The following ARPC1A variants were observed in gnomAD, a reference collection of about 807,000 sequenced individuals.
ARPC1A encodes actin related protein 2/3 complex subunit 1A, also known as actin-related protein 2/3 complex subunit 1A.
In ARPC1A, 8 loss-of-function variants were observed where a neutral mutation model predicts 46.9. The observed-to-expected ratio is 0.17, with a 90% CI of 0.10 to 0.31. ARPC1A has a LOEUF of 0.31. Among genes scored for constraint, ARPC1A ranks in the 10% least tolerant of loss-of-function variants. The probability of loss-of-function intolerance (pLI) is 1.00; values close to 1 mark genes in which losing one functional copy is unlikely to be tolerated. For synonymous variants in ARPC1A, 152 were observed against 169.0 expected (o/e 0.90, Z 0.78); for missense variants, 286 against 483.6 (o/e 0.59, Z 3.83).
intron 4 of ARPC1A, among the ~76,000 whole-genome samples, chr7:99,345,024 C>A (rs926205462): frequency 6.7e-6 from 1 of 148,378 alleles, no homozygotes; most frequent in African/African-American, 2.5e-5. Context: ...CAACGTCCGC[C>A]CCCTGGTTCA....
At chr7:99,363,766 C>T in intron 9 of ARPC1A, 133 bp downstream of exon 9, 2 of 644,960 alleles carry the variant, frequency 3.1e-6, no homozygotes, top group South Asian at 4.1e-5. Flanking sequence ...CCACCAACTC[C>T]TTGCCTCCAG....
chr7:99,325,977 G>T lies in ARPC1A; in HGVS notation c.-57G>T, dbSNP rs1187848316. 6.6e-6 allele frequency: 1 copy of T among 152,490 alleles called. No homozygotes were observed. The highest frequency in any genetic ancestry group is 1.5e-5 in the Non-Finnish European group (1 of 68,064). 9.4% of individuals were successfully genotyped at this position (152,490 alleles called of 1,614,324 possible). ...CCAGAGTCCGCGAATCCTCCGCTCCGAGCCCGTCCGGACTCCCCCGATCCC... is the reference window on the plus strand; with the variant it reads ...CCAGAGTCCGCGAATCCTCCGCTCCTAGCCCGTCCGGACTCCCCCGATCCC... On this transcript the variant is annotated 5_prime_UTR_variant, in exon 1 of 10. Coordinates refer to ENST00000262942, the MANE Select transcript of ARPC1A (RefSeq NM_006409.4).
At position 99,342,544 on chromosome 7, in the gene ARPC1A, C is replaced by CA. The variant is rs969311370; in HGVS notation, c.170-1738dup. Among the ~76,000 whole-genome samples the CA allele has an allele frequency of 6.4e-4, 90 of 140,248 alleles. 1 individual carries two copies. The highest frequency in any genetic ancestry group is 4.2e-3 in the Admixed American group (58 of 13,962). 92.0% of individuals were successfully genotyped at this position (140,248 alleles called of 152,430 possible). A position where few individuals can be genotyped will look rare whatever the true frequency, so the allele number is the denominator to read the frequency against. On this transcript the variant is annotated intron_variant, in intron 3 of 9. Transcript: ENST00000262942. ...TAGGTGATAAAGTGAGACCCTGTCT[C>CA]AAAAAAAAAAATCTAATAAAGAGGA...
intron 2 of ARPC1A, among the ~76,000 whole-genome samples, chr7:99,337,259 T>TA (rs1584376470): frequency 6.6e-6 from 1 of 151,992 alleles, no homozygotes; most frequent in Non-Finnish European, 1.5e-5. Flanking sequence ...CTGTCTCTAC[T>TA]AAAAATACAA....
intron 5 of ARPC1A, among the ~76,000 whole-genome samples, chr7:99,350,631 CTTTTTTTTTTTTTTT>C (rs540737612): frequency 3.1e-4 from 21 of 67,536 alleles, no homozygotes; most frequent in Non-Finnish European, 6.2e-4. Flanking sequence ...ATGAGGTGCA[CTTTTTTTTTTTTTTT>C]TTTTTTTTTT....
intron 7 of ARPC1A, among the ~76,000 whole-genome samples, chr7:99,359,071 T>G (rs937587939): frequency 2.7e-5 from 4 of 149,184 alleles, no homozygotes; most frequent in African/African-American, 9.9e-5. Flanking sequence ...GACCTCGTGA[T>G]CCGCCCACCT....
chr7:99,365,965 T>A lies in ARPC1A; in HGVS notation c.*36T>A, dbSNP rs371311827. ...GCCTCCGCCATCCAGCATGACAAAC[T>A]GTGGCCGACCGCAGCTGTGCCGTGG... is the stretch of plus-strand genomic sequence containing the variant. On this transcript the variant is annotated 3_prime_UTR_variant, in exon 10 of 10. Coordinates refer to ENST00000262942, the MANE Select transcript of ARPC1A (RefSeq NM_006409.4). 1 of 1,557,320 alleles carries A rather than the reference T, an allele frequency of 6.4e-7. No homozygotes were observed. The highest frequency in any genetic ancestry group is 1.2e-5 in the South Asian group (1 of 84,850).
intron 5 of ARPC1A, 34 bp downstream of exon 5, chr7:99,348,993 G>C (rs746097314): frequency 6.5e-7 from 1 of 1,538,602 alleles, no homozygotes; most frequent in Non-Finnish European, 8.9e-7. Context: ...AACTTGAGCC[G>C]TGCATTCTTC....
At chr7:99,350,184 T>C (rs1355753338) in intron 5 of ARPC1A, among the ~76,000 whole-genome samples, 1 of 152,182 alleles carries the variant, frequency 6.6e-6, no homozygotes, top group African/African-American at 2.4e-5. Context: ...TTTCCTTAAG[T>C]GTAAGAATAT....
intron 8 of ARPC1A, 100 bp from the exon 9 acceptor site, chr7:99,363,443 T>A: frequency 1.2e-6 from 1 of 841,688 alleles, no homozygotes; most frequent in Non-Finnish European, 1.9e-6. Context: ...AAGAAGAAGA[T>A]AATTCATTTC....
intron 4 of ARPC1A, among the ~76,000 whole-genome samples, chr7:99,347,753 C>T (rs181385707): frequency 2.7e-5 from 4 of 150,416 alleles, no homozygotes; most frequent in East Asian, 3.9e-4. Context: ...TGCTTGACCC[C>T]GGGAGGTGGA....
intron 2 of ARPC1A, among the ~76,000 whole-genome samples, chr7:99,336,256 G>C (rs576931761): frequency 6.6e-4 from 101 of 152,084 alleles, no homozygotes; most frequent in African/African-American, 2.3e-3. Context: ...TTTAAATTTG[G>C]ACTTGGCTTT....
At chr7:99,347,343 G>C (rs541591179) in intron 4 of ARPC1A, among the ~76,000 whole-genome samples, 1 of 152,186 alleles carries the variant, frequency 6.6e-6, no homozygotes, top group Non-Finnish European at 1.5e-5. Context: ...AGTGCTGGGA[G>C]TATAGTTGCA....
At chr7:99,326,193 G>GT (rs1367988167) in intron 1 of ARPC1A, among the ~76,000 whole-genome samples, 189 bp downstream of exon 1, 7 of 152,282 alleles carry the variant, frequency 4.6e-5, no homozygotes, top group African/African-American at 1.7e-4. Context: ...ATCCCCTGCA[G>GT]CTTTTCTCAG....
chr7:99,345,086 C>T (rs752900337), intron 4 of ARPC1A, among the ~76,000 whole-genome samples: 10 of 151,610 alleles, frequency 6.6e-5, no homozygotes, highest in Non-Finnish European at 1.2e-4. Flanking sequence ...AGTCACCTGC[C>T]ATCGTGCCCG....
At chr7:99,344,179 G>A in intron 3 of ARPC1A, 114 bp from the exon 4 acceptor site, 1 of 884,116 alleles carries the variant, frequency 1.1e-6, no homozygotes. Flanking sequence ...ATGTGCCTGG[G>A]AGGAAGGTCC....
intron 7 of ARPC1A, 60 bp from the exon 8 acceptor site, chr7:99,359,485 T>A (rs1323042287): frequency 1.3e-6 from 2 of 1,541,520 alleles, no homozygotes; most frequent in Non-Finnish European, 1.8e-6. Flanking sequence ...GTGAACACTC[T>A]GCCAAGGAGG....
intron 1 of ARPC1A, among the ~76,000 whole-genome samples, chr7:99,329,027 G>A (rs545087895): frequency 7.2e-5 from 11 of 152,104 alleles, no homozygotes; most frequent in South Asian, 4.2e-4. Context: ...GGGGCAGGGC[G>A]CGGTGGCTCA....
At chr7:99,338,331 G>A (rs770590099) in intron 3 of ARPC1A, 46 bp downstream of exon 3, 3 of 1,418,066 alleles carry the variant, frequency 2.1e-6, no homozygotes, top group South Asian at 1.3e-5. Flanking sequence ...TCCAAATCAG[G>A]CACTCTTCCT....
Sources: allele counts gnomAD v4.1 joint callset (sites outside exome capture counted in the v4.1 genomes callset), GRCh38; gene constraint gnomAD v4.1.1; transcripts MANE v1.5; gene names NCBI Gene and HGNC (gene_info 2026-07-23, HGNC 2026-07-21).